Variants in KIAA1549L observed in about 807,000 individuals in gnomAD.
KIAA1549L encodes KIAA1549 like, also known as UPF0606 protein KIAA1549L.
Under a neutral mutation model 160.7 loss-of-function variants are expected in KIAA1549L, and 88 were observed. The observed-to-expected ratio is 0.55, with a 90% CI of 0.46 to 0.65. The LOEUF is 0.65. KIAA1549L is among the 30% of genes least tolerant of loss of function. The pLI, the probability that KIAA1549L is intolerant of heterozygous loss-of-function variation, is 0.00. For missense variants in KIAA1549L, 2,258 were observed against 2,437.5 expected (o/e 0.93, Z 1.55); for synonymous variants, 950 against 976.7 (o/e 0.97, Z 0.51).
At chr11:33,377,404 A>G (rs1317643902) in intron 1 of KIAA1549L, among the ~76,000 whole-genome samples, 1 of 152,192 alleles carries the variant, frequency 6.6e-6, no homozygotes, top group African/African-American at 2.4e-5. Context: ...TTGCAAAGGG[A>G]TGCAGGCGCT....
chr11:33,648,899 C>T (rs1851799690), intron 17 of KIAA1549L, among the ~76,000 whole-genome samples: 1 of 152,180 alleles, frequency 6.6e-6, no homozygotes, highest in Non-Finnish European at 1.5e-5. Context: ...ATAACAGCAA[C>T]AGTTGGCATC....
At chr11:33,437,065 A>G (rs937000718) in intron 1 of KIAA1549L, among the ~76,000 whole-genome samples, 6 of 152,232 alleles carry the variant, frequency 3.9e-5, no homozygotes, top group East Asian at 1.9e-4. Flanking sequence ...TAGCTGTCTC[A>G]TCTTGTCAGC....
rs905027295 is a variant in KIAA1549L, at chr11:33,483,340, C to T, written c.239-58462C>T. 6.6e-5 allele frequency among the ~76,000 whole-genome samples: 10 copies of T among 152,046 alleles called. 1 individual carries two copies. Among genetic ancestry groups the T allele is most frequent in the African/African-American group, 2.4e-4 (10 of 41,414 alleles). On this transcript the variant is annotated intron_variant, in intron 1 of 20. Coordinates refer to ENST00000658780, the MANE Select transcript of KIAA1549L (RefSeq NM_012194.3). ...GAGGGGGAGAAATCTACGTTCTGGG[C>T]GCCCTTTGGGAAGGCGAACCTTGAG...
intron 16 of KIAA1549L, among the ~76,000 whole-genome samples, chr11:33,621,806 G>T (rs1056644745): frequency 2.6e-5 from 4 of 152,108 alleles, no homozygotes; most frequent in African/African-American, 9.7e-5. Flanking sequence ...TCATCCCCCA[G>T]AAAGAAAAAT....
intron 1 of KIAA1549L, among the ~76,000 whole-genome samples, chr11:33,439,331 G>A (rs997174618): frequency 3.3e-5 from 5 of 152,044 alleles, no homozygotes; most frequent in African/African-American, 4.8e-5. Context: ...TACATGCATA[G>A]GATATATACT....
At chr11:33,643,273 T>TAA (rs1307806227) in intron 16 of KIAA1549L, among the ~76,000 whole-genome samples, 3 of 152,036 alleles carry the variant, frequency 2.0e-5, no homozygotes, top group African/African-American at 4.8e-5. Flanking sequence ...TGTATATATA[T>TAA]AACATATATA....
At chr11:33,503,221 C>T (rs1404957037) in intron 1 of KIAA1549L, among the ~76,000 whole-genome samples, 3 of 152,140 alleles carry the variant, frequency 2.0e-5, no homozygotes, top group Non-Finnish European at 4.4e-5. Flanking sequence ...TTCTCTTGTT[C>T]AGCATTATGT....
intron 16 of KIAA1549L, 24 bp from the exon 17 acceptor site, chr11:33,645,662 A>G (rs759730196): frequency 1.9e-6 from 3 of 1,552,050 alleles, no homozygotes; most frequent in African/African-American, 1.4e-5. Flanking sequence ...TAAACACATC[A>G]ATGGGCTTTG....
intron 16 of KIAA1549L, among the ~76,000 whole-genome samples, chr11:33,639,283 C>T (rs1851523350): frequency 1.3e-5 from 2 of 152,176 alleles, no homozygotes; most frequent in South Asian, 4.1e-4. Flanking sequence ...TGGACTGGTT[C>T]ACTCATTTTA....
chr11:33,467,592 C>T (rs1017720585), intron 1 of KIAA1549L, among the ~76,000 whole-genome samples: 3 of 152,206 alleles, frequency 2.0e-5, no homozygotes, highest in South Asian at 2.1e-4. Flanking sequence ...TATTTGGACA[C>T]GTGGCAGAAT....
At chr11:33,594,260 C>T (rs1850141686) in intron 12 of KIAA1549L, among the ~76,000 whole-genome samples, 1 of 152,136 alleles carries the variant, frequency 6.6e-6, no homozygotes, top group African/African-American at 2.4e-5. Flanking sequence ...GATTAGTTAC[C>T]TATTGCTCCA....
chr11:33,513,920 A>G (rs1435027368), intron 1 of KIAA1549L, among the ~76,000 whole-genome samples: 1 of 152,212 alleles, frequency 6.6e-6, no homozygotes, highest in Non-Finnish European at 1.5e-5. Flanking sequence ...CTGTCTGAAA[A>G]TTAAAATGAA....
intron 12 of KIAA1549L, among the ~76,000 whole-genome samples, chr11:33,592,514 ACAT>A (rs1188672055): frequency 2.0e-5 from 3 of 152,184 alleles, no homozygotes; most frequent in Non-Finnish European, 4.4e-5. Flanking sequence ...TGAAAAAACT[ACAT>A]CATCCATGTC....
At chr11:33,581,098 G>A (rs531780205) in intron 10 of KIAA1549L, among the ~76,000 whole-genome samples, 6 of 152,240 alleles carry the variant, frequency 3.9e-5, no homozygotes, top group Non-Finnish European at 8.8e-5. Flanking sequence ...ACAGAAGAGC[G>A]GCCATGGTCA....
intron 1 of KIAA1549L, among the ~76,000 whole-genome samples, chr11:33,451,295 C>A (rs1378686287): frequency 1.3e-5 from 2 of 152,156 alleles, no homozygotes; most frequent in Non-Finnish European, 2.9e-5. Context: ...GCAGGTGAGA[C>A]CCATGCACAA....
At chr11:33,552,020 C>T (rs1590336223) in intron 5 of KIAA1549L, 88 bp from the exon 6 acceptor site, 4 of 1,431,282 alleles carry the variant, frequency 2.8e-6, no homozygotes, top group South Asian at 2.8e-5. Flanking sequence ...CATCTAAAAT[C>T]GTGCTGTTTT....
intron 6 of KIAA1549L, among the ~76,000 whole-genome samples, chr11:33,557,959 T>G (rs1030757470): frequency 1.3e-5 from 2 of 151,978 alleles, no homozygotes; most frequent in Non-Finnish European, 2.9e-5. Context: ...CTTCCACTTA[T>G]GGGAAAAAGT....
intron 1 of KIAA1549L, among the ~76,000 whole-genome samples, chr11:33,432,165 C>T (rs1410684570): frequency 1.3e-5 from 2 of 152,204 alleles, no homozygotes; most frequent in African/African-American, 4.8e-5. Flanking sequence ...TGGGCTCTGG[C>T]CTTGGCCAGC....
At chr11:33,553,440 T>C (rs879829284) in intron 6 of KIAA1549L, among the ~76,000 whole-genome samples, 2 of 152,212 alleles carry the variant, frequency 1.3e-5, no homozygotes, top group Non-Finnish European at 2.9e-5. Flanking sequence ...AAAGCCTTTG[T>C]AATTAGACCC....
Sources: gnomAD v4.1 joint callset for allele counts (sites outside exome capture counted in the v4.1 genomes callset) on GRCh38, gnomAD v4.1.1 for gene constraint, MANE v1.5 for transcripts, NCBI Gene and HGNC (gene_info 2026-07-23, HGNC 2026-07-21) for gene names.